The following RHD variants were observed in gnomAD, a reference collection of about 807,000 sequenced individuals.
RHD encodes Rh blood group D antigen, also known as blood group Rh(D) polypeptide.
RHD carries 16 observed loss-of-function variants against 45.5 expected under a neutral mutation model. The observed-to-expected ratio is 0.35, with a 90% CI of 0.24 to 0.53. The LOEUF (loss-of-function observed/expected upper bound fraction) is 0.53. Among genes scored for constraint, RHD ranks in the 20% least tolerant of loss-of-function variants. The pLI, the probability that RHD is intolerant of heterozygous loss-of-function variation, is 0.92. For missense variants in RHD, 306 were observed against 532.0 expected (o/e 0.58, Z 4.18); for synonymous variants, 131 against 217.5 (o/e 0.60, Z 3.50).
chr1:25,272,743 G>A lies in RHD; in HGVS notation c.148+48G>A, dbSNP rs573824594. Reference sequence around the variant, plus strand: ...GTCACAGGAGCAAATAGCAGGGGCAGGGGCGGGGGAGGCCTGTGGTTCTCC... The same window carrying A: ...GTCACAGGAGCAAATAGCAGGGGCAAGGGCGGGGGAGGCCTGTGGTTCTCC... On this transcript the variant is annotated intron_variant, in intron 1 of 9. Coordinates refer to ENST00000328664, the MANE Select transcript of RHD (RefSeq NM_016124.6). 1.5e-6 allele frequency: 2 copies of A among 1,375,376 alleles called. 1 individual carries two copies. Among genetic ancestry groups the A allele is most frequent in the Admixed American group, 3.6e-5 (2 of 56,182 alleles). 85.2% of individuals were successfully genotyped at this position (1,375,376 alleles called of 1,614,324 possible).
chr1:25,281,196 G>A (rs1641464356), intron 1 of RHD, among the ~76,000 whole-genome samples: 1 of 131,594 alleles, frequency 7.6e-6, no homozygotes, highest in South Asian at 2.3e-4. Context: ...CTCTGCTGCC[G>A]GCATGTTTGG....
chr1:25,282,762 C>T (rs1284751746), intron 1 of RHD, among the ~76,000 whole-genome samples: 1 of 129,850 alleles, frequency 7.7e-6, no homozygotes, highest in African/African-American at 2.6e-5. Flanking sequence ...CGTGGTGGCG[C>T]GCGCCTGTGG....
intron 1 of RHD, among the ~76,000 whole-genome samples, chr1:25,277,036 C>T (rs1160716562): frequency 7.6e-6 from 1 of 131,844 alleles, no homozygotes; most frequent in Non-Finnish European, 1.8e-5. Context: ...CACTGCACTC[C>T]AGCCTGGGCA....
Position 25,290,708 on chromosome 1 carries a change from A to C in RHD, c.403A>C (p.Asn135His). ...AGTGGATGCTGTCTTGGGGAAGGTC[A>C]ACTTGGCGCAGTTGGTGGTGATGGT... ...ISVDAVLGKVNLAQLVVMVLV... is the reference protein window; with the variant it reads ...ISVDAVLGKVHLAQLVVMVLV... The change falls in exon 3 of 10, where the codon AAC becomes CAC. Residue 135 changes from asparagine (N) to histidine (H), a missense_variant. Transcript: ENST00000328664. The C allele has an allele frequency of 7.3e-7, 1 of 1,377,434 alleles. No homozygotes were observed. Among genetic ancestry groups the C allele is most frequent in the Non-Finnish European group, 1.0e-6 (1 of 978,024 alleles). The allele number at this position is 1,377,434 out of a possible 1,614,324, so 85.3% of individuals were successfully genotyped here.
At chr1:25,315,229 C>G (rs1226543258) in intron 7 of RHD, among the ~76,000 whole-genome samples, 2 of 129,840 alleles carry the variant, frequency 1.5e-5, no homozygotes, top group African/African-American at 5.3e-5. Context: ...ATTATTAGAT[C>G]AATGAATTGA....
At chr1:25,290,164 C>T (rs1224103976) in intron 2 of RHD, among the ~76,000 whole-genome samples, 4 of 130,104 alleles carry the variant, frequency 3.1e-5, no homozygotes, top group African/African-American at 1.1e-4. Flanking sequence ...TCCACTGCCA[C>T]GGAGACGGAG....
rs1159168198 is a variant in RHD at position 25,308,411 on chromosome 1, A to T, written c.1073+1682A>T. 1.6e-5 allele frequency among the ~76,000 whole-genome samples: 2 copies of T among 124,112 alleles called. 1 individual carries two copies. Among genetic ancestry groups the T allele is most frequent in the Non-Finnish European group, 3.8e-5 (2 of 53,020 alleles). The allele number at this position is 124,112 out of a possible 152,430, so 81.4% of individuals were successfully genotyped here. A position where few individuals can be genotyped will look rare whatever the true frequency, so the allele number is the denominator to read the frequency against. ...ATCAGTCCATGTTTGAACAAGCCCC[A>T]CAAGTGTTCTCTTGCAAGCTCAAGT... On this transcript the variant is annotated intron_variant, in intron 7 of 9. Transcript: ENST00000328664.
At chr1:25,297,297 C>T (rs1285037339) in intron 3 of RHD, among the ~76,000 whole-genome samples, 4 of 95,270 alleles carry the variant, frequency 4.2e-5, no homozygotes, top group African/African-American at 1.4e-4. Flanking sequence ...GTGTGCCCTT[C>T]TTAGTATATC....
In RHD at chr1:25,280,057, G is replaced by C. The variant is rs1214840598; in HGVS notation, c.149-4516G>C. 1.5e-5 allele frequency among the ~76,000 whole-genome samples: 2 copies of C among 129,576 alleles called. 1 individual carries two copies. Among genetic ancestry groups the C allele is most frequent in the Non-Finnish European group, 3.6e-5 (2 of 55,224 alleles). The allele number at this position is 129,576 out of a possible 152,430, so 85.0% of individuals were successfully genotyped here. On this transcript the variant is annotated intron_variant, in intron 1 of 9. Transcript: ENST00000328664. ...GAGAAGTGGGAGGATGAGGGGGCAG[G>C]GGGAGGAGAAGCCTGAAATCAAATG...
In RHD at chr1:25,285,377, G is replaced by A. The variant is rs779674774; in HGVS notation, c.335+618G>A. Among the ~76,000 whole-genome samples, 47 of 134,472 alleles carry A rather than the reference G, an allele frequency of 3.5e-4. 7 individuals carry two copies. Among genetic ancestry groups the A allele is most frequent in the African/African-American group, 1.1e-3 (41 of 38,870 alleles). 88.2% of individuals were successfully genotyped at this position (134,472 alleles called of 152,430 possible). On this transcript the variant is annotated intron_variant, in intron 2 of 9. Coordinates refer to ENST00000328664, the MANE Select transcript of RHD (RefSeq NM_016124.6). The stretch of plus-strand genomic sequence containing the variant: ...TCAAACTCCTGACCTCAGGTGATCC[G>A]CCCGCCTCGGCCTCCCAAAGTGCTG...
At position 25,303,444 on chromosome 1, in the gene RHD, A is replaced by T. The variant is rs773869716; in HGVS notation, c.924A>T (p.Gly308=). Residue 308 remains glycine (G), a synonymous_variant, in exon 6 of 10, where the codon GGA becomes GGT. Transcript: ENST00000328664. ...GLVAGLISVG[G]AKYLPGCCNR... is the part of the protein sequence containing the mutation. ...TGGCTGGGCTGATCTCCGTCGGGGGAGCCAAGTACCTGCCGGTAAGAAACT... is the reference window on the plus strand; with the variant it reads ...TGGCTGGGCTGATCTCCGTCGGGGGTGCCAAGTACCTGCCGGTAAGAAACT... 1 of 1,376,788 alleles carries T rather than the reference A, an allele frequency of 7.3e-7. No homozygotes were observed. The highest frequency in any genetic ancestry group is 2.2e-5 in the East Asian group (1 of 44,598). The allele number at this position is 1,376,788 out of a possible 1,614,324, so 85.3% of individuals were successfully genotyped here. A position where few individuals can be genotyped will look rare whatever the true frequency, so the allele number is the denominator to read the frequency against.
At chr1:25,292,138 T>A (rs1043158384) in intron 3 of RHD, among the ~76,000 whole-genome samples, 5 of 131,150 alleles carry the variant, frequency 3.8e-5, no homozygotes, top group African/African-American at 1.3e-4. Context: ...TTTGAGGGAG[T>A]AATTGAATTA....
intron 2 of RHD, among the ~76,000 whole-genome samples, chr1:25,286,790 A>AAAAAAAC (rs1642050832): frequency 7.6e-6 from 1 of 132,378 alleles, no homozygotes; most frequent in Non-Finnish European, 1.8e-5. Flanking sequence ...CGTCTCAAAA[A>AAAAAAAC]AAAAAAACAA....
intron 1 of RHD, among the ~76,000 whole-genome samples, chr1:25,280,478 G>A (rs1456108747): frequency 7.9e-6 from 1 of 127,370 alleles, no homozygotes; most frequent in Non-Finnish European, 1.9e-5. Flanking sequence ...GCTAATTTTT[G>A]TATTTTTAGT....
rs1178848516 is a variant in RHD at position 25,290,571 on chromosome 1, G to T, written c.336-70G>T. 2.6e-6 allele frequency: 3 copies of T among 1,142,094 alleles called. 1 individual carries two copies. Among genetic ancestry groups the T allele is most frequent in the Admixed American group, 1.8e-5 (1 of 55,318 alleles). 70.7% of individuals were successfully genotyped at this position (1,142,094 alleles called of 1,614,324 possible). A position where few individuals can be genotyped will look rare whatever the true frequency, so the allele number is the denominator to read the frequency against. ...TTGTTGAAAGAATGAATGAATGAAT[G>T]AATGAATGAATGAATGAGTGAGAGG... On this transcript the variant is annotated intron_variant, in intron 2 of 9. Transcript: ENST00000328664.
At chr1:25,280,503 A>G (rs1359176112) in intron 1 of RHD, among the ~76,000 whole-genome samples, 1 of 124,996 alleles carries the variant, frequency 8.0e-6, no homozygotes, top group South Asian at 2.5e-4. Flanking sequence ...ACGGGGTTTC[A>G]CCATGTTGGC....
chr1:25,330,229 C>T lies in RHD; in HGVS notation c.*1305C>T, dbSNP rs1257058360. On this transcript the variant is annotated 3_prime_UTR_variant, in exon 10 of 10. Coordinates refer to ENST00000328664, the MANE Select transcript of RHD (RefSeq NM_016124.6). ...AAACAGGATGTGGAAAATGAATAAG[C>T]GGTTTTCTTAGGCACTTCTTAACAG... 1.5e-5 allele frequency: 2 copies of T among 132,842 alleles called. No homozygotes were observed. Among genetic ancestry groups the T allele is most frequent in the East Asian group, 1.9e-4 (1 of 5,140 alleles). 8.2% of individuals were successfully genotyped at this position (132,842 alleles called of 1,614,324 possible).
intron 7 of RHD, among the ~76,000 whole-genome samples, chr1:25,315,154 C>CA (rs1219222763): frequency 1.6e-5 from 2 of 127,710 alleles, no homozygotes; most frequent in East Asian, 2.0e-4. Flanking sequence ...GACTCCATCT[C>CA]AAAAAAAAAT....
chr1:25,319,140 G>A lies in RHD; in HGVS notation c.1153+2061G>A, dbSNP rs1388054913. On this transcript the variant is annotated intron_variant, in intron 8 of 9. Transcript: ENST00000328664. ...TGTCCTGGGACTCACACTATTCACT[G>A]TTATCACTGGTATGTTCAAAGTGGT... is the stretch of plus-strand genomic sequence containing the variant. Among the ~76,000 whole-genome samples the A allele has an allele frequency of 1.5e-5, 2 of 130,956 alleles. 1 individual carries two copies. Among genetic ancestry groups the A allele is most frequent in the Non-Finnish European group, 3.6e-5 (2 of 54,828 alleles). 85.9% of individuals were successfully genotyped at this position (130,956 alleles called of 152,430 possible).
Sources: gnomAD v4.1 joint callset for allele counts (sites outside exome capture counted in the v4.1 genomes callset) on GRCh38, gnomAD v4.1.1 for gene constraint, MANE v1.5 for transcripts, NCBI Gene and HGNC (gene_info 2026-07-23, HGNC 2026-07-21) for gene names.